The following LPP variants were observed in gnomAD, a reference collection of about 807,000 sequenced individuals.
The protein encoded by LPP is lipoma-preferred partner.
In LPP, 38 loss-of-function variants were observed where a neutral mutation model predicts 60.4. The ratio of observed to expected loss-of-function variants is 0.63; its 90% confidence interval spans 0.49 to 0.83. LPP has a LOEUF of 0.83. Among genes scored for constraint, LPP ranks in the 40% least tolerant of loss-of-function variants. LPP has a pLI of 0.00. For synonymous variants in LPP, 328 were observed against 290.8 expected (o/e 1.13, Z -1.30); for missense variants, 902 against 783.6 (o/e 1.15, Z -1.80).
rs766931843 is a variant in LPP at position 188,866,284 on chromosome 3, T to C, written c.1495T>C (p.Cys499Arg). 4 of 1,594,076 alleles carry C rather than the reference T, an allele frequency of 2.5e-6. No homozygotes were observed. The highest frequency in any genetic ancestry group is 3.4e-6 in the Non-Finnish European group (4 of 1,169,682). ...RATGKAYHPHCFTCVMCHRSL... is the reference protein window; with the variant it reads ...RATGKAYHPHRFTCVMCHRSL... ...CACCGGGAAGGCCTATCATCCTCAC[T>C]GTTTCACCTGCGTGATGTGCCACCG... is the stretch of plus-strand genomic sequence containing the variant. Residue 499 changes from cysteine to arginine, a missense_variant, in exon 10 of 12, where the codon TGT (cysteine) becomes CGT (arginine). Coordinates refer to ENST00000617246, the MANE Select transcript of LPP (RefSeq NM_001375462.1).
At chr3:188,379,278 A>G (rs1776206847) in intron 3 of LPP, among the ~76,000 whole-genome samples, 1 of 152,142 alleles carries the variant, frequency 6.6e-6, no homozygotes, top group Non-Finnish European at 1.5e-5. Flanking sequence ...AGAGATACAA[A>G]TGACATTCTG....
chr3:188,201,837 T>A (rs2149094098), intron 1 of LPP, among the ~76,000 whole-genome samples: 1 of 152,158 alleles, frequency 6.6e-6, no homozygotes, highest in Admixed American at 6.5e-5. Flanking sequence ...ACACCACAGA[T>A]AAAAAACTGT....
At chr3:188,499,001 C>CT (rs1187539771) in intron 5 of LPP, among the ~76,000 whole-genome samples, 3 of 151,830 alleles carry the variant, frequency 2.0e-5, no homozygotes, top group Admixed American at 6.6e-5. Context: ...TTGAATTTGA[C>CT]TTTTTTTTCT....
rs536073629 is a variant in LPP, at chr3:188,338,316, A to G, written c.-66-3347A>G. 3.9e-5 allele frequency among the ~76,000 whole-genome samples: 6 copies of G among 152,324 alleles called. No individual in the cohort carries two copies. The East Asian group carries it at 9.7e-4, about 25-fold the overall frequency. The stretch of plus-strand genomic sequence containing the variant: ...TTGTATGTGGTATTTGATGACTGGA[A>G]TGCAGGGCAGTCCATATTTGTCATC... On this transcript the variant is annotated intron_variant, in intron 2 of 11. Coordinates refer to ENST00000617246, the MANE Select transcript of LPP (RefSeq NM_001375462.1).
chr3:188,700,741 A>G (rs145282936), intron 7 of LPP, among the ~76,000 whole-genome samples: 1 of 152,342 alleles, frequency 6.6e-6, no homozygotes, highest in Non-Finnish European at 1.5e-5. Flanking sequence ...AACTGGCTTA[A>G]GTCCTCTCAT....
intron 4 of LPP, among the ~76,000 whole-genome samples, 168 bp from the exon 5 acceptor site, chr3:188,484,424 G>A (rs1387301137): frequency 6.6e-6 from 1 of 152,106 alleles, no homozygotes; most frequent in Non-Finnish European, 1.5e-5. Context: ...TGAAAGTTAA[G>A]ACTACTAATT....
At chr3:188,569,822 C>CA (rs1340195721) in intron 6 of LPP, among the ~76,000 whole-genome samples, 3 of 151,914 alleles carry the variant, frequency 2.0e-5, no homozygotes, top group Non-Finnish European at 4.4e-5. Context: ...GGATATTTGG[C>CA]AAAAAGTTTT....
chr3:188,511,134 C>G (rs1246990008), intron 5 of LPP, among the ~76,000 whole-genome samples: 1 of 122,638 alleles, frequency 8.2e-6, no homozygotes, highest in Non-Finnish European at 1.7e-5. Context: ...ACCTGCTTCC[C>G]TCCTTTCTTC....
At chr3:188,275,497 C>T (rs760178083) in intron 2 of LPP, among the ~76,000 whole-genome samples, 29 of 152,188 alleles carry the variant, frequency 1.9e-4, no homozygotes, top group East Asian at 3.9e-4. Context: ...GTAGCTGGGA[C>T]GGTGGGTGTG....
At chr3:188,732,653 G>T (rs1721043282) in intron 8 of LPP, among the ~76,000 whole-genome samples, 1 of 146,802 alleles carries the variant, frequency 6.8e-6, no homozygotes, top group Admixed American at 7.0e-5. Context: ...GTGAGGCGGA[G>T]GTTGCAGTGA....
chr3:188,767,855 GA>G, intron 9 of LPP, among the ~76,000 whole-genome samples: 1 of 151,978 alleles, frequency 6.6e-6, no homozygotes, highest in Non-Finnish European at 1.5e-5. Flanking sequence ...TAAAAAACTA[GA>G]ACAGACAAGA....
At chr3:188,580,995 C>T (rs1052913808) in intron 6 of LPP, among the ~76,000 whole-genome samples, 1 of 152,016 alleles carries the variant, frequency 6.6e-6, no homozygotes, top group Non-Finnish European at 1.5e-5. Context: ...GTGTACTCTT[C>T]ATTACTTAAA....
intron 6 of LPP, among the ~76,000 whole-genome samples, chr3:188,596,675 A>G (rs1304027994): frequency 1.3e-5 from 2 of 152,144 alleles, no homozygotes; most frequent in African/African-American, 2.4e-5. Flanking sequence ...TGCTCTAAAT[A>G]TGATGTCCTT....
At chr3:188,425,521 G>A (rs2149086361) in intron 4 of LPP, among the ~76,000 whole-genome samples, 1 of 152,202 alleles carries the variant, frequency 6.6e-6, no homozygotes, top group South Asian at 2.1e-4. Context: ...CAGAAGGAAT[G>A]GTAGCAAGCT....
intron 4 of LPP, among the ~76,000 whole-genome samples, chr3:188,482,706 G>T (rs1805158370): frequency 6.6e-6 from 1 of 152,182 alleles, no homozygotes; most frequent in Non-Finnish European, 1.5e-5. Flanking sequence ...AATGCATACA[G>T]ATTTATGGGA....
intron 8 of LPP, among the ~76,000 whole-genome samples, chr3:188,736,515 T>C (rs576322292): frequency 6.6e-6 from 1 of 152,264 alleles, no homozygotes; most frequent in East Asian, 1.9e-4. Flanking sequence ...AGCAAAGATT[T>C]AGGAAAAGAA....
intron 9 of LPP, among the ~76,000 whole-genome samples, chr3:188,793,885 T>C (rs186853633): frequency 2.6e-5 from 4 of 152,288 alleles, no homozygotes; most frequent in Admixed American, 1.3e-4. Flanking sequence ...GTCTATGTAG[T>C]TGCCTTTGCA....
intron 2 of LPP, among the ~76,000 whole-genome samples, chr3:188,296,868 G>A (rs545180251): frequency 6.6e-6 from 1 of 152,284 alleles, no homozygotes; most frequent in South Asian, 2.1e-4. Flanking sequence ...GTTACACATG[G>A]CCAGTTTCTT....
intron 4 of LPP, among the ~76,000 whole-genome samples, chr3:188,433,437 A>T (rs1791454246): frequency 6.6e-6 from 1 of 152,104 alleles, no homozygotes. Flanking sequence ...GGGTCATAAG[A>T]GAAAGGGAAG....
Sources: allele counts gnomAD v4.1 joint callset (sites outside exome capture counted in the v4.1 genomes callset), GRCh38; gene constraint gnomAD v4.1.1; transcripts MANE v1.5; gene names NCBI Gene and HGNC (gene_info 2026-07-23, HGNC 2026-07-21).